FAM78A: variants seen among roughly 807,000 people sequenced by gnomAD.
The protein encoded by FAM78A is protein FAM78A.
Under a neutral mutation model 22.6 loss-of-function variants are expected in FAM78A, and 12 were observed. The ratio of observed to expected loss-of-function variants is 0.53; its 90% CI spans 0.34 to 0.86. The LOEUF (loss-of-function observed/expected upper bound fraction) is 0.86, where lower values mean the gene tolerates loss of function less well. FAM78A is among the 40% of genes least tolerant of loss of function. FAM78A has a pLI of 0.02. For missense variants in FAM78A, 322 were observed against 396.1 expected (o/e 0.81, Z 1.59); for synonymous variants, 151 against 155.8 (o/e 0.97, Z 0.23).
At chr9:131,278,806 C>T (rs956388441), upstream of FAM78A, among the ~76,000 whole-genome samples, 30 of 152,250 alleles carry the variant, frequency 2.0e-4, no homozygotes, top group Non-Finnish European at 1.3e-4. Flanking sequence ...ATTAAAGCCA[C>T]GCTCTTCGTC....
upstream of FAM78A, among the ~76,000 whole-genome samples, chr9:131,278,423 C>A (rs1835511582): frequency 6.6e-6 from 1 of 152,088 alleles, no homozygotes; most frequent in Non-Finnish European, 1.5e-5. Flanking sequence ...TTGTAGGCTC[C>A]AAGGCTGGGA....
chr9:131,262,203 G>A (rs541091027), intron 1 of FAM78A, among the ~76,000 whole-genome samples: 43 of 151,334 alleles, frequency 2.8e-4, no homozygotes, highest in Admixed American at 1.4e-3. Flanking sequence ...GGTGACATGC[G>A]CCTGTAGTCC....
intron 1 of FAM78A, among the ~76,000 whole-genome samples, chr9:131,266,864 T>G (rs545470605): frequency 6.6e-5 from 10 of 152,182 alleles, no homozygotes; most frequent in African/African-American, 9.6e-5. Flanking sequence ...CAGTGCACGC[T>G]GGGTCTCCCT....
chr9:131,264,527 A>C, intron 1 of FAM78A: 1 of 712,466 alleles, frequency 1.4e-6, no homozygotes. Flanking sequence ...GCCCACAGAC[A>C]ATCCGCCAAC....
chr9:131,277,734 G>T (rs1045945616), upstream of FAM78A, among the ~76,000 whole-genome samples: 1 of 151,220 alleles, frequency 6.6e-6, no homozygotes, highest in South Asian at 2.1e-4. The surrounding 1 kb of genome is among the most constrained non-coding windows in gnomAD (Gnocchi z 8.4). Flanking sequence ...CTTCGGGGGG[G>T]CGGCCGGGGG....
rs1482713382 is a variant in FAM78A, at chr9:131,274,775, C to T, written c.323+1082G>A. Among the ~76,000 whole-genome samples the T allele has an allele frequency of 1.3e-5, 2 of 152,140 alleles. No individual in the cohort carries two copies. The highest frequency in any genetic ancestry group is 2.9e-5 in the Non-Finnish European group (2 of 68,024). On this transcript the variant is annotated intron_variant, in intron 1 of 1. Coordinates refer to ENST00000372271, the MANE Select transcript of FAM78A (RefSeq NM_033387.4). The surrounding 1 kb of genome is among the most constrained non-coding windows in gnomAD (Gnocchi z 4.2). ...TCTCCTCTTTTCCCCACTTGCAAAA[C>T]GGGGACGTGAAGCTGCACAGGGTAG...
intron 1 of FAM78A, among the ~76,000 whole-genome samples, chr9:131,269,935 C>A (rs1835395638): frequency 6.6e-6 from 1 of 151,256 alleles, no homozygotes; most frequent in Admixed American, 6.6e-5. Context: ...TGGCTCACAC[C>A]TGTAATCCCA....
At chr9:131,262,782 A>C (rs1198084306) in intron 1 of FAM78A, 1 of 152,166 alleles carries the variant, frequency 6.6e-6, no homozygotes, top group African/African-American at 2.4e-5. Flanking sequence ...GAGTGAAATA[A>C]GCCAGCCACA....
chr9:131,271,394 G>A (rs1360933492), intron 1 of FAM78A, among the ~76,000 whole-genome samples: 1 of 152,180 alleles, frequency 6.6e-6, no homozygotes, highest in African/African-American at 2.4e-5. Flanking sequence ...CATAGCTATG[G>A]TATTGACGGC....
rs1835437245 is a variant in FAM78A, at chr9:131,272,858, G to C, written c.323+2999C>G. On this transcript the variant is annotated intron_variant, in intron 1 of 1. Coordinates refer to ENST00000372271, the MANE Select transcript of FAM78A (RefSeq NM_033387.4). This position sits in a 1 kb window ranked among gnomAD's most constrained non-coding sequence, Gnocchi z 4.1. ...GAGCCGGAGAATCACTTGAACCCGG[G>C]AGGCAGAGGTTGTAGTGAGCCAAGA... Among the ~76,000 whole-genome samples, 1 of 152,134 alleles carries C rather than the reference G, an allele frequency of 6.6e-6. No individual in the cohort carries two copies. Among genetic ancestry groups the C allele is most frequent in the Non-Finnish European group, 1.5e-5 (1 of 68,034 alleles).
chr9:131,261,106 T>G lies in FAM78A; in HGVS notation c.568A>C (p.Thr190Pro), dbSNP rs1588195931. ...LTNIYRDQSFTTWLVATNTST... is the reference protein window; with the variant it reads ...LTNIYRDQSFPTWLVATNTST... ...GTGTTGGTGGCCACCAGCCAGGTGG[T>G]GAAGCTCTGGTCCCGGTAGATATTG... The change falls in exon 2 of 2, where the codon ACC becomes CCC. Residue 190 changes from threonine to proline, a missense_variant. Physicochemically the swap from Thr to Pro is conservative, Grantham distance 38. Coordinates refer to ENST00000372271, the MANE Select transcript of FAM78A (RefSeq NM_033387.4). This position sits in a 1 kb window ranked among gnomAD's most constrained non-coding sequence, Gnocchi z 7.1. 6.2e-7 allele frequency: 1 copy of G among 1,614,150 alleles called. No individual in the cohort carries two copies. The highest frequency in any genetic ancestry group is 8.5e-7 in the Non-Finnish European group (1 of 1,179,996).
At chr9:131,278,765 A>G (rs1472449843), upstream of FAM78A, among the ~76,000 whole-genome samples, 2 of 152,170 alleles carry the variant, frequency 1.3e-5, no homozygotes, top group Non-Finnish European at 2.9e-5. Flanking sequence ...AAGCCCAAGC[A>G]ATTTGTGACA....
Position 131,275,736 on chromosome 9 carries a change from C to T in FAM78A, c.323+121G>A. The T allele has an allele frequency of 1.8e-6, 2 of 1,108,718 alleles. No homozygotes were observed. Among genetic ancestry groups the T allele is most frequent in the Non-Finnish European group, 2.5e-6 (2 of 796,028 alleles). 68.7% of individuals were successfully genotyped at this position (1,108,718 alleles called of 1,614,324 possible). ...CACCTGCATACCTGCCTAAAGCTTCCCTCTGGCCTCCGTCCTGTCTTCATG... is the reference window on the plus strand; with the variant it reads ...CACCTGCATACCTGCCTAAAGCTTCTCTCTGGCCTCCGTCCTGTCTTCATG... On this transcript the variant is annotated intron_variant, in intron 1 of 1. Coordinates refer to ENST00000372271, the MANE Select transcript of FAM78A (RefSeq NM_033387.4). This position sits in a 1 kb window ranked among gnomAD's most constrained non-coding sequence, Gnocchi z 4.6.
intron 1 of FAM78A, among the ~76,000 whole-genome samples, chr9:131,262,476 C>CA (rs113855141): frequency 0.022 from 2,274 of 105,536 alleles, 25 homozygotes; most frequent in South Asian, 0.039. Flanking sequence ...ACTCTGTCTG[C>CA]AAAAAAAAAA....
At chr9:131,264,677 A>G in intron 1 of FAM78A, 1 of 709,050 alleles carries the variant, frequency 1.4e-6, no homozygotes, top group Non-Finnish European at 2.6e-6. Context: ...CAGACCAGGT[A>G]GCCCTGATTT....
intron 1 of FAM78A, among the ~76,000 whole-genome samples, chr9:131,266,585 C>T (rs1316790700): frequency 3.9e-5 from 6 of 152,198 alleles, no homozygotes; most frequent in Admixed American, 3.3e-4. Flanking sequence ...AGCCACCACC[C>T]CAAAGAAGCC....
Position 131,258,299 on chromosome 9 carries a change from G to T in FAM78A, c.*2523C>A, listed in dbSNP as rs552458670. ...GGGCTGGAGGACATAAGAAGAATCG[G>T]GGCCCTGGCAGGAAGCCTGGGGCCT... On this transcript the variant is annotated 3_prime_UTR_variant, in exon 2 of 2. Transcript: ENST00000372271. 2 of 152,776 alleles carry T rather than the reference G, an allele frequency of 1.3e-5. No individual in the cohort carries two copies. The highest frequency in any genetic ancestry group is 1.3e-4 in the Admixed American group (2 of 15,304). 9.5% of individuals were successfully genotyped at this position (152,776 alleles called of 1,614,324 possible).
chr9:131,264,726 C>T (rs7859822), intron 1 of FAM78A: 197,416 of 559,816 alleles, frequency 0.35, 20,447 homozygotes, highest in East Asian at 0.51. Flanking sequence ...CTTTTCTGAC[C>T]TTTTTTTTTT....
intron 1 of FAM78A, among the ~76,000 whole-genome samples, chr9:131,270,815 G>A (rs1357980656): frequency 6.6e-6 from 1 of 152,134 alleles, no homozygotes; most frequent in African/African-American, 2.4e-5. Context: ...CACTGCTCTG[G>A]CAACCAGCTT....
Sources: allele counts gnomAD v4.1 joint callset (sites outside exome capture counted in the v4.1 genomes callset), GRCh38; gene constraint gnomAD v4.1.1; non-coding constraint Gnocchi (gnomAD v3.1); transcripts MANE v1.5; gene names NCBI Gene and HGNC (gene_info 2026-07-23, HGNC 2026-07-21).